The following LRRC37A2 variants were observed in gnomAD, a reference collection of about 807,000 sequenced individuals.
LRRC37A2 encodes the protein leucine-rich repeat-containing protein 37A2.
Under a neutral mutation model 68.8 loss-of-function variants are expected in LRRC37A2, and 9 were observed. That is an observed-to-expected ratio of 0.13 (90% confidence interval 0.08 to 0.23). LRRC37A2 has a LOEUF of 0.23. Ranked by LOEUF, LRRC37A2 falls within the 10% of genes least tolerant of loss-of-function variation. The pLI is 1.00. For synonymous variants in LRRC37A2, 63 were observed against 367.6 expected, an observed-to-expected ratio of 0.17 and a Z score of 9.48; for missense variants, 168 against 950.4, an observed-to-expected ratio of 0.18 and a Z score of 10.82.
the LRRC37A2 span, among the ~76,000 whole-genome samples, chr17:46,738,218 GCCATTACAC>G: frequency 6.6e-6 from 1 of 152,098 alleles, no homozygotes; most frequent in East Asian, 1.9e-4. Flanking sequence ...ACAGGTGTGA[GCCATTACAC>G]CCAGCCTAAA....
At chr17:46,733,599 G>A in the LRRC37A2 span, among the ~76,000 whole-genome samples, 6 of 152,080 alleles carry the variant, frequency 3.9e-5, no homozygotes, top group Non-Finnish European at 7.4e-5. Context: ...TTAGATTATG[G>A]TGCATACAAA....
At chr17:46,631,082 A>ACACACAAACACACACACACG in the LRRC37A2 span, among the ~76,000 whole-genome samples, 1 of 142,080 alleles carries the variant, frequency 7.0e-6, no homozygotes, top group African/African-American at 2.8e-5. Context: ...ACACACACAC[A>ACACACAAACACACACACACG]CACACACACA....
chr17:46,543,315 A>C (rs1313756326), intron 8 of LRRC37A2, among the ~76,000 whole-genome samples: 1 of 150,466 alleles, frequency 6.6e-6, no homozygotes, highest in Non-Finnish European at 1.5e-5. Context: ...ATTATTCTCA[A>C]GTATACCTCA....
the LRRC37A2 span, among the ~76,000 whole-genome samples, chr17:46,883,966 C>T: frequency 1.3e-5 from 2 of 152,182 alleles, no homozygotes; most frequent in South Asian, 2.1e-4. Flanking sequence ...ACGCTGGAGC[C>T]GTCTCAGGGG....
chr17:46,751,202 G>C, the LRRC37A2 span, among the ~76,000 whole-genome samples: 2 of 152,150 alleles, frequency 1.3e-5, no homozygotes, highest in African/African-American at 4.8e-5. Flanking sequence ...TCCTAGAAAA[G>C]AATGTTAAAA....
At chr17:46,886,649 C>T in the LRRC37A2 span, 1 of 152,182 alleles carries the variant, frequency 6.6e-6, no homozygotes, top group Non-Finnish European at 1.5e-5. Context: ...GATCATGTTG[C>T]TGGTTGGAGT....
At chr17:46,489,915 C>T in the LRRC37A2 span, among the ~76,000 whole-genome samples, 8 of 151,336 alleles carry the variant, frequency 5.3e-5, no homozygotes, top group East Asian at 9.7e-4. Flanking sequence ...CACTCACTTG[C>T]GATGTGATAT....
chr17:46,882,148 C>G, the LRRC37A2 span, among the ~76,000 whole-genome samples: 1 of 152,032 alleles, frequency 6.6e-6, no homozygotes, highest in East Asian at 1.9e-4. Flanking sequence ...AGAGTGAGAC[C>G]CTGTCTCTAA....
At chr17:47,026,788 T>C in the LRRC37A2 span, among the ~76,000 whole-genome samples, 1 of 152,196 alleles carries the variant, frequency 6.6e-6, no homozygotes, top group Non-Finnish European at 1.5e-5. Flanking sequence ...CAAAGTTATG[T>C]ATTAGGTAAA....
At chr17:46,868,447 A>C in the LRRC37A2 span, among the ~76,000 whole-genome samples, 40,763 of 151,484 alleles carry the variant, frequency 0.27, 6,055 homozygotes, top group African/African-American at 0.41. Flanking sequence ...CACAAAAAAA[A>C]TAGCTGGGCG....
the LRRC37A2 span, among the ~76,000 whole-genome samples, chr17:46,714,290 G>T: frequency 6.6e-6 from 1 of 152,152 alleles, no homozygotes; most frequent in Non-Finnish European, 1.5e-5. Context: ...TTTGAATAAA[G>T]TGGACAAATT....
At chr17:46,922,868 C>T in the LRRC37A2 span, 2,679 of 453,476 alleles carry the variant, frequency 5.9e-3, 56 homozygotes, top group African/African-American at 0.049. Flanking sequence ...TTCAACTTTG[C>T]TCTGAGGACC....
the LRRC37A2 span, among the ~76,000 whole-genome samples, chr17:47,003,646 C>A: frequency 6.6e-6 from 1 of 152,026 alleles, no homozygotes; most frequent in Non-Finnish European, 1.5e-5. Context: ...ACGTGGATGG[C>A]GTGTTTGGGC....
At chr17:46,853,827 A>C in the LRRC37A2 span, among the ~76,000 whole-genome samples, 12 of 152,066 alleles carry the variant, frequency 7.9e-5, no homozygotes, top group Non-Finnish European at 1.3e-4. Context: ...TTATGGTTAG[A>C]GATGGGGCAA....
the LRRC37A2 span, among the ~76,000 whole-genome samples, chr17:46,907,810 C>T: frequency 6.6e-6 from 1 of 150,962 alleles, no homozygotes; most frequent in Non-Finnish European, 1.5e-5. Context: ...GAGCCATGAT[C>T]GTGACACTGT....
the LRRC37A2 span, among the ~76,000 whole-genome samples, chr17:46,720,053 G>A: frequency 2.6e-5 from 4 of 152,140 alleles, no homozygotes; most frequent in African/African-American, 9.7e-5. Context: ...GAACAGAATC[G>A]TGATGCCTAA....
chr17:47,002,302 T>C, the LRRC37A2 span, among the ~76,000 whole-genome samples: 120 of 152,306 alleles, frequency 7.9e-4, 1 homozygote, highest in Non-Finnish European at 6.0e-4. Flanking sequence ...AATCACATCA[T>C]GGAAAGTGGG....
the LRRC37A2 span, among the ~76,000 whole-genome samples, chr17:47,028,773 G>C: frequency 6.6e-6 from 1 of 151,022 alleles, no homozygotes; most frequent in African/African-American, 2.4e-5. Flanking sequence ...AGCTGGGCGT[G>C]GTGGTGCAGT....
At chr17:47,017,835 C>A in the LRRC37A2 span, 2 of 1,610,518 alleles carry the variant, frequency 1.2e-6, no homozygotes, top group Non-Finnish European at 8.5e-7. Flanking sequence ...GCAAGTTGGA[C>A]CTTCTCAATT....
Sources: allele counts gnomAD v4.1 joint callset (sites outside exome capture counted in the v4.1 genomes callset), GRCh38; gene constraint gnomAD v4.1.1; transcripts MANE v1.5; gene names NCBI Gene and HGNC (gene_info 2026-07-23, HGNC 2026-07-21).